The following CTNND2 variants were observed in gnomAD, a reference collection of about 807,000 sequenced individuals.
CTNND2 encodes catenin delta-2.
In CTNND2, 22 loss-of-function variants were observed where a neutral mutation model predicts 144.4. That is an observed-to-expected ratio of 0.15 (90% CI 0.11 to 0.22). The LOEUF (loss-of-function observed/expected upper bound fraction) is 0.22. CTNND2 is among the 10% of genes least tolerant of loss of function. The pLI is 1.00. For synonymous variants in CTNND2, 751 were observed against 695.6 expected (o/e 1.08, Z -1.25); for missense variants, 1,353 against 1,618.8 (o/e 0.84, Z 2.82).
intron 1 of CTNND2, among the ~76,000 whole-genome samples, chr5:11,886,231 T>C (rs770101112): frequency 4.1e-5 from 6 of 144,972 alleles, no homozygotes; most frequent in Non-Finnish European, 9.4e-5. Flanking sequence ...AGTTGAGTTA[T>C]TTTCAAAAGA....
intron 9 of CTNND2, among the ~76,000 whole-genome samples, chr5:11,261,708 T>A (rs1358758508): frequency 6.6e-6 from 1 of 152,244 alleles, no homozygotes; most frequent in Non-Finnish European, 1.5e-5. Flanking sequence ...TTGGTCTTTC[T>A]AACCTAAGTT....
chr5:10,987,996 AGTCCT>A (rs2149494022), intron 20 of CTNND2, 110 bp downstream of exon 20: 1 of 1,355,490 alleles, frequency 7.4e-7, no homozygotes, highest in African/African-American at 1.4e-5. Flanking sequence ...ACAGCTGCTA[AGTCCT>A]GCTCAGCAGC....
intron 3 of CTNND2, among the ~76,000 whole-genome samples, chr5:11,500,411 T>G (rs1381578053): frequency 6.6e-6 from 1 of 152,158 alleles, no homozygotes; most frequent in Admixed American, 6.5e-5. Context: ...TTACAACCCA[T>G]CATAATATAA....
chr5:11,000,724 T>C (rs951405364), intron 18 of CTNND2, among the ~76,000 whole-genome samples: 2 of 152,154 alleles, frequency 1.3e-5, no homozygotes, highest in African/African-American at 4.8e-5. Context: ...GGCCCTTCTC[T>C]CACAATTACT....
intron 9 of CTNND2, among the ~76,000 whole-genome samples, chr5:11,279,138 A>G (rs929072210): frequency 6.6e-6 from 1 of 152,210 alleles, no homozygotes; most frequent in Non-Finnish European, 1.5e-5. Context: ...ATGAGAATAC[A>G]TGATTGCTCG....
intron 16 of CTNND2, among the ~76,000 whole-genome samples, chr5:11,067,956 G>C (rs1357280577): frequency 6.6e-6 from 1 of 152,088 alleles, no homozygotes; most frequent in Non-Finnish European, 1.5e-5. Context: ...TTTGACTCTA[G>C]GGATCAATGA....
chr5:11,012,860 G>A (rs535181053), intron 18 of CTNND2, among the ~76,000 whole-genome samples: 71 of 152,134 alleles, frequency 4.7e-4, no homozygotes, highest in Non-Finnish European at 8.4e-4. Flanking sequence ...GGAGGAATAC[G>A]TTCATTTTGG....
rs1470891144 is a variant in CTNND2, at chr5:11,490,859, A to G, written c.287+74085T>C. On this transcript the variant is annotated intron_variant, in intron 3 of 21. Transcript: ENST00000304623. ...AGTAGAAGGCCTGGCATGGTGGCTCACCCCTGTAATCCCAACACTTTGGGA... is the reference window on the plus strand; with the variant it reads ...AGTAGAAGGCCTGGCATGGTGGCTCGCCCCTGTAATCCCAACACTTTGGGA... Among the ~76,000 whole-genome samples the G allele has an allele frequency of 5.3e-5, 8 of 152,150 alleles. 1 individual carries two copies. The highest frequency in any genetic ancestry group is 5.2e-4 in the Admixed American group (8 of 15,256).
At chr5:11,473,443 G>A (rs1767423704) in intron 3 of CTNND2, among the ~76,000 whole-genome samples, 1 of 152,178 alleles carries the variant, frequency 6.6e-6, no homozygotes, top group African/African-American at 2.4e-5. Context: ...CCAGTTGGCT[G>A]AGAAGGGGAT....
intron 2 of CTNND2, among the ~76,000 whole-genome samples, chr5:11,605,672 T>C (rs575013895): frequency 1.1e-3 from 161 of 152,270 alleles, no homozygotes; most frequent in Non-Finnish European, 2.0e-3. Flanking sequence ...TGAAATGCCA[T>C]GGTTCATAAA....
intron 1 of CTNND2, among the ~76,000 whole-genome samples, chr5:11,771,556 C>A (rs116335083): frequency 0.015 from 2,217 of 152,114 alleles, 42 homozygotes; most frequent in African/African-American, 0.051. Context: ...TATTTTTTCA[C>A]AGACACAAAC....
intron 9 of CTNND2, among the ~76,000 whole-genome samples, chr5:11,313,036 CTT>C (rs2150055605): frequency 6.6e-6 from 1 of 152,326 alleles, no homozygotes; most frequent in South Asian, 2.1e-4. Flanking sequence ...CATTACTCCT[CTT>C]TGGTGCAGAA....
At chr5:11,375,099 T>G (rs897834521) in intron 7 of CTNND2, among the ~76,000 whole-genome samples, 7 of 152,184 alleles carry the variant, frequency 4.6e-5, no homozygotes, top group Non-Finnish European at 1.0e-4. Context: ...AACAGAGGCC[T>G]TTTTCCTCAG....
intron 3 of CTNND2, among the ~76,000 whole-genome samples, chr5:11,557,209 C>T (rs1776301680): frequency 1.3e-5 from 2 of 152,126 alleles, no homozygotes; most frequent in Non-Finnish European, 2.9e-5. Flanking sequence ...TAACCAATCA[C>T]CAACAGCAAC....
rs1253741384 is a variant in CTNND2 at position 11,545,711 on chromosome 5, T to TACATTA, written c.287+19227_287+19232dup. Among the ~76,000 whole-genome samples the TACATTA allele has an allele frequency of 1.2e-4, 17 of 140,194 alleles. 1 individual carries two copies. The highest frequency in any genetic ancestry group is 5.1e-4 in the Admixed American group (7 of 13,820). 92.0% of individuals were successfully genotyped at this position (140,194 alleles called of 152,430 possible). On this transcript the variant is annotated intron_variant, in intron 3 of 21. Coordinates refer to ENST00000304623, the MANE Select transcript of CTNND2 (RefSeq NM_001332.4). ...GAAGAACATAAAGAAAAAGAAAAGC[T>TACATTA]ACATTAAACATAAAGTGACCAAGCA...
intron 2 of CTNND2, among the ~76,000 whole-genome samples, chr5:11,584,013 C>G (rs1413616748): frequency 6.6e-6 from 1 of 152,126 alleles, no homozygotes; most frequent in Non-Finnish European, 1.5e-5. Context: ...AAGTACTCCA[C>G]GATAATGTGG....
At chr5:11,174,116 G>T (rs572275448) in intron 11 of CTNND2, among the ~76,000 whole-genome samples, 4 of 152,302 alleles carry the variant, frequency 2.6e-5, no homozygotes, top group Middle Eastern at 3.4e-3. Context: ...GAGCACAGAG[G>T]TGAGGAACAC....
At chr5:11,788,033 T>C (rs4404677) in intron 1 of CTNND2, among the ~76,000 whole-genome samples, 14,586 of 152,288 alleles carry the variant, frequency 0.096, 1,903 homozygotes, top group African/African-American at 0.29. Flanking sequence ...ATTTCATTGT[T>C]GAAATGATAT....
chr5:11,867,211 G>C (rs1399682841), intron 1 of CTNND2, among the ~76,000 whole-genome samples: 1 of 152,232 alleles, frequency 6.6e-6, no homozygotes, highest in African/African-American at 2.4e-5. Context: ...GAACTTGCTA[G>C]AGGCTGTGGT....
Sources: allele counts gnomAD v4.1 joint callset (sites outside exome capture counted in the v4.1 genomes callset), GRCh38; gene constraint gnomAD v4.1.1; transcripts MANE v1.5; gene names NCBI Gene and HGNC (gene_info 2026-07-23, HGNC 2026-07-21).